Variants in CCNI observed in about 807,000 individuals in gnomAD.
The protein encoded by CCNI is cyclin I, also known as cyclin-I.
CCNI carries 14 observed loss-of-function variants against 34.1 expected under a neutral mutation model. The ratio of observed to expected loss-of-function variants is 0.41; its 90% CI spans 0.27 to 0.64. The LOEUF (loss-of-function observed/expected upper bound fraction) is 0.64, where lower values mean the gene tolerates loss of function less well. Ranked by LOEUF, CCNI falls within the 30% of genes least tolerant of loss-of-function variation. The pLI is 0.31. For synonymous variants in CCNI, 154 were observed against 158.4 expected (o/e 0.97, Z 0.21); for missense variants, 385 against 440.5 (o/e 0.87, Z 1.13).
At chr4:77,071,005 C>G (rs28715145) in intron 1 of CCNI, among the ~76,000 whole-genome samples, 5,401 of 152,254 alleles carry the variant, frequency 0.035, 123 homozygotes, top group East Asian at 0.085. Context: ...ACGCCATTAG[C>G]TACAACCAAA....
chr4:77,066,023 C>T (rs1022756008), intron 2 of CCNI: 1 of 406,872 alleles, frequency 2.5e-6, no homozygotes, highest in Non-Finnish European at 4.4e-6. Flanking sequence ...ATTGCTTGAG[C>T]CCGGGAGGCA....
intron 2 of CCNI, among the ~76,000 whole-genome samples, chr4:77,065,757 G>C (rs1461969909): frequency 1.3e-5 from 2 of 152,174 alleles, no homozygotes; most frequent in Non-Finnish European, 2.9e-5. Flanking sequence ...AACAAAAACA[G>C]TTAACTCTTG....
chr4:77,049,626 T>C (rs918451103), intron 6 of CCNI, among the ~76,000 whole-genome samples: 2 of 148,854 alleles, frequency 1.3e-5, no homozygotes, highest in African/African-American at 2.5e-5. Context: ...TGCAGTGAGG[T>C]GAGATCAAAC....
chr4:77,049,253 G>A (rs184582402), intron 6 of CCNI, among the ~76,000 whole-genome samples: 1 of 152,056 alleles, frequency 6.6e-6, no homozygotes, highest in Non-Finnish European at 1.5e-5. Context: ...TTTTTAATTT[G>A]GGAGTTTTGC....
At position 77,048,177 on chromosome 4, in the gene CCNI, T is replaced by C. The variant is rs780716035; in HGVS notation, c.*42A>G. The C allele has an allele frequency of 1.8e-4, 261 of 1,484,658 alleles. No homozygotes were observed. The highest frequency in any genetic ancestry group is 2.3e-4 in the Non-Finnish European group (245 of 1,080,744). The allele number at this position is 1,484,658 out of a possible 1,614,324, so 92.0% of individuals were successfully genotyped here. A position where few individuals can be genotyped will look rare whatever the true frequency, so the allele number is the denominator to read the frequency against. ...ATTTTGCATGTTCTCATTCCCAAAG[T>C]AGTCTACCTTAGTTTACACTCAAAG... On this transcript the variant is annotated 3_prime_UTR_variant, in exon 7 of 7. Coordinates refer to ENST00000237654, the MANE Select transcript of CCNI (RefSeq NM_006835.3).
intron 2 of CCNI, among the ~76,000 whole-genome samples, chr4:77,065,433 G>C (rs2109831801): frequency 6.6e-6 from 1 of 152,270 alleles, no homozygotes; most frequent in East Asian, 1.9e-4. Context: ...AATTATATAT[G>C]ACAGAAGTAT....
At chr4:77,065,623 G>A (rs544540015) in intron 2 of CCNI, among the ~76,000 whole-genome samples, 2 of 152,328 alleles carry the variant, frequency 1.3e-5, no homozygotes, top group Admixed American at 1.3e-4. Flanking sequence ...TTCAGCCTCT[G>A]TGGCTAACTA....
intron 2 of CCNI, among the ~76,000 whole-genome samples, chr4:77,060,458 A>G (rs568900709): frequency 4.6e-5 from 7 of 152,136 alleles, no homozygotes; most frequent in Non-Finnish European, 1.0e-4. Flanking sequence ...TTGAACTTTA[A>G]TATTCCATAT....
chr4:77,074,573 C>T (rs2109859976), intron 1 of CCNI, among the ~76,000 whole-genome samples: 1 of 152,270 alleles, frequency 6.6e-6, no homozygotes, highest in Non-Finnish European at 1.5e-5. Context: ...CAGTTTTCCT[C>T]ATCTGTAAAA....
In CCNI at chr4:77,048,747, T is replaced by G. The variant is rs1042478872; in HGVS notation, c.691-85A>C. 1.3e-5 allele frequency: 13 copies of G among 1,017,396 alleles called. No homozygotes were observed. In the African/African-American group the frequency reaches 1.9e-4, roughly 15 times the overall value. 63.0% of individuals were successfully genotyped at this position (1,017,396 alleles called of 1,614,324 possible). A position where few individuals can be genotyped will look rare whatever the true frequency, so the allele number is the denominator to read the frequency against. On this transcript the variant is annotated intron_variant, in intron 6 of 6. Coordinates refer to ENST00000237654, the MANE Select transcript of CCNI (RefSeq NM_006835.3). The stretch of plus-strand genomic sequence containing the variant: ...TGTTATCTCTGGTGGCCATTTTTCC[T>G]CCCTGTGCTTTCCGTCCCCGCTGAG...
At chr4:77,061,421 A>G (rs1262207590) in intron 2 of CCNI, among the ~76,000 whole-genome samples, 1 of 152,168 alleles carries the variant, frequency 6.6e-6, no homozygotes, top group Non-Finnish European at 1.5e-5. Context: ...ATAGGATTAG[A>G]AGGATTCAGT....
intron 2 of CCNI, among the ~76,000 whole-genome samples, chr4:77,059,675 A>AC (rs1314907028): frequency 1.3e-5 from 2 of 152,022 alleles, no homozygotes; most frequent in East Asian, 3.9e-4. Flanking sequence ...TCCTAAGTTA[A>AC]CCATAGTAAG....
Position 77,070,044 on chromosome 4 carries a change from G to A in CCNI, c.-43-3639C>T, listed in dbSNP as rs553276645. 7.1e-5 allele frequency among the ~76,000 whole-genome samples: 10 copies of A among 140,908 alleles called. No homozygotes were observed. The East Asian group carries it at 1.9e-3, about 26-fold the overall frequency. The allele number at this position is 140,908 out of a possible 152,430, so 92.4% of individuals were successfully genotyped here. A position where few individuals can be genotyped will look rare whatever the true frequency, so the allele number is the denominator to read the frequency against. On this transcript the variant is annotated intron_variant, in intron 1 of 6. Transcript: ENST00000237654. ...TTTTTTTTTTTTTTTTGAGACAAGA[G>A]TCTCACTCTGTTGCCCAGGCTAGAG...
At chr4:77,073,278 A>C (rs1729625653) in intron 1 of CCNI, among the ~76,000 whole-genome samples, 1 of 152,196 alleles carries the variant, frequency 6.6e-6, no homozygotes, top group African/African-American at 2.4e-5. Flanking sequence ...CAAATAGCTT[A>C]ATGTCTGAGG....
At chr4:77,053,151 C>A (rs1229810165) in intron 6 of CCNI, among the ~76,000 whole-genome samples, 2 of 152,098 alleles carry the variant, frequency 1.3e-5, no homozygotes, top group East Asian at 3.9e-4. Flanking sequence ...TAGCTCCGTT[C>A]TTCTATTCTA....
At chr4:77,060,101 A>G (rs1049026092) in intron 2 of CCNI, among the ~76,000 whole-genome samples, 1 of 62,212 alleles carries the variant, frequency 1.6e-5, no homozygotes, top group Non-Finnish European at 2.9e-5. Context: ...GTATGGGAGA[A>G]AAAAAAAAAT....
chr4:77,048,680 A>T lies in CCNI; in HGVS notation c.691-18T>A, dbSNP rs778320732. 11 of 1,505,292 alleles carry T rather than the reference A, an allele frequency of 7.3e-6. No homozygotes were observed. The East Asian group carries it at 2.5e-4, about 34-fold the overall frequency. The allele number at this position is 1,505,292 out of a possible 1,614,324, so 93.2% of individuals were successfully genotyped here. A position where few individuals can be genotyped will look rare whatever the true frequency, so the allele number is the denominator to read the frequency against. On this transcript the variant is annotated intron_variant, in intron 6 of 6. Coordinates refer to ENST00000237654, the MANE Select transcript of CCNI (RefSeq NM_006835.3). ...CTATCCATCTGGGCCAGGAAAAAAA[A>T]AAAGCCACACACAGTTGATCATTAA...
chr4:77,049,757 T>A (rs1353811018), intron 6 of CCNI, among the ~76,000 whole-genome samples: 2 of 152,122 alleles, frequency 1.3e-5, no homozygotes, highest in African/African-American at 2.4e-5. Flanking sequence ...TTTAACCATT[T>A]AGCCTTTCCA....
intron 5 of CCNI, 51 bp downstream of exon 5, chr4:77,055,911 C>G: frequency 7.0e-7 from 1 of 1,438,236 alleles, no homozygotes; most frequent in Non-Finnish European, 9.5e-7. Context: ...TTTTAATTTA[C>G]TGAAAACTAC....
Sources: allele counts gnomAD v4.1 joint callset (sites outside exome capture counted in the v4.1 genomes callset), GRCh38; gene constraint gnomAD v4.1.1; transcripts MANE v1.5; gene names NCBI Gene and HGNC (gene_info 2026-07-23, HGNC 2026-07-21).